UGGT1: variants seen among roughly 807,000 people sequenced by gnomAD.
UGGT1 encodes the protein UDP-glucose glycoprotein glucosyltransferase 1, also known as UDP-glucose:glycoprotein glucosyltransferase 1.
A neutral mutation model predicts 203.9 loss-of-function variants in UGGT1; 107 were observed. The ratio of observed to expected loss-of-function variants is 0.52; its 90% CI spans 0.45 to 0.62. The LOEUF (loss-of-function observed/expected upper bound fraction) is 0.62, where lower values mean the gene tolerates loss of function less well. UGGT1 is among the 20% of genes least tolerant of loss of function. The pLI is 0.00. For missense variants in UGGT1, 1,673 were observed against 1,867.2 expected, an observed-to-expected ratio of 0.90 and a Z score of 1.92; for synonymous variants, 628 against 653.5, an observed-to-expected ratio of 0.96 and a Z score of 0.59.
intron 2 of UGGT1, among the ~76,000 whole-genome samples, chr2:128,101,740 G>A (rs1005034420): frequency 1.7e-4 from 26 of 152,242 alleles, no homozygotes; most frequent in South Asian, 2.1e-4. Flanking sequence ...TTGCGGACAC[G>A]AGTAAATATG....
At chr2:128,147,259 A>C (rs558675316) in intron 18 of UGGT1, among the ~76,000 whole-genome samples, 56 of 152,340 alleles carry the variant, frequency 3.7e-4, no homozygotes, top group African/African-American at 1.3e-3. Flanking sequence ...TCTTCTGTCA[A>C]CTAAAATCTG....
intron 18 of UGGT1, among the ~76,000 whole-genome samples, chr2:128,151,481 A>C (rs892605305): frequency 5.9e-5 from 9 of 152,178 alleles, no homozygotes; most frequent in Non-Finnish European, 1.5e-5. Context: ...CAACATGTAC[A>C]GTGAGCCATC....
rs1383844507 is a variant in UGGT1 at position 128,091,241 on chromosome 2, C to T, written c.-117C>T. 6 of 1,175,184 alleles carry T rather than the reference C, an allele frequency of 5.1e-6. No homozygotes were observed. Among genetic ancestry groups the T allele is most frequent in the South Asian group, 1.6e-5 (1 of 63,118 alleles). The allele number at this position is 1,175,184 out of a possible 1,614,324, so 72.8% of individuals were successfully genotyped here. A position where few individuals can be genotyped will look rare whatever the true frequency, so the allele number is the denominator to read the frequency against. Reference sequence around the variant, plus strand: ...TGCGAGGCTGGGTGTTGAGTCGAGCCGCGGGAAAGGCGCGTGTCGGCCTCT... The same window carrying T: ...TGCGAGGCTGGGTGTTGAGTCGAGCTGCGGGAAAGGCGCGTGTCGGCCTCT... On this transcript the variant is annotated 5_prime_UTR_variant, in exon 1 of 41. Transcript: ENST00000259253.
intron 9 of UGGT1, 112 bp downstream of exon 9, chr2:128,120,568 C>G (rs147416497): frequency 5.4e-4 from 437 of 802,194 alleles, no homozygotes; most frequent in African/African-American, 5.2e-3. Context: ...GAAGGTGCCT[C>G]AGATTTTAAA....
intron 19 of UGGT1, 128 bp from the exon 20 acceptor site, chr2:128,155,361 T>C (rs1690177397): frequency 3.0e-6 from 2 of 677,444 alleles, no homozygotes; most frequent in South Asian, 4.1e-5. Context: ...TCAGTAAACA[T>C]GGAACTTAAT....
intron 8 of UGGT1, among the ~76,000 whole-genome samples, chr2:128,119,233 A>G (rs1019880223): frequency 6.6e-6 from 1 of 152,160 alleles, no homozygotes; most frequent in African/African-American, 2.4e-5. Context: ...AGTAACTGAC[A>G]GGAAGTGGGT....
chr2:128,142,495 G>C (rs894113627), intron 16 of UGGT1, among the ~76,000 whole-genome samples: 11 of 149,868 alleles, frequency 7.3e-5, no homozygotes, highest in African/African-American at 2.7e-4. Flanking sequence ...TGAGGCAGGA[G>C]AAGCGCTTGA....
chr2:128,104,347 A>G (rs890249392), intron 3 of UGGT1, among the ~76,000 whole-genome samples: 2 of 152,126 alleles, frequency 1.3e-5, no homozygotes, highest in Non-Finnish European at 2.9e-5. Context: ...CTGATTCACT[A>G]TTTTTGTTAT....
rs536672995 is a variant in UGGT1 at position 128,174,309 on chromosome 2, G to GTT, written c.3453+388_3453+389dup. On this transcript the variant is annotated intron_variant, in intron 30 of 40. Transcript: ENST00000259253. ...GGTGTGACTGGCCTTTATTGTACTAGTTTTTTTTTTTTTTTTTTTGAGACT... is the reference window on the plus strand; with the variant it reads ...GGTGTGACTGGCCTTTATTGTACTAGTTTTTTTTTTTTTTTTTTTTTGAGACT... Among the ~76,000 whole-genome samples the GTT allele has an allele frequency of 3.5e-3, 468 of 134,450 alleles. 4 individuals are homozygous for GTT. The highest frequency in any genetic ancestry group is 0.011 in the African/African-American group (387 of 36,748). The allele number at this position is 134,450 out of a possible 152,430, so 88.2% of individuals were successfully genotyped here.
rs560049038 is a variant in UGGT1, at chr2:128,133,122, G to A, written c.1378-19G>A. 3.1e-6 allele frequency: 5 copies of A among 1,613,330 alleles called. No homozygotes were observed. Among genetic ancestry groups the A allele is most frequent in the South Asian group, 2.2e-5 (2 of 91,042 alleles). ...CTGGTTCCTAATGTGCATGTATCCTGTTGTGTTATTTTTTGTAGTGGGTCA... is the reference window on the plus strand; with the variant it reads ...CTGGTTCCTAATGTGCATGTATCCTATTGTGTTATTTTTTGTAGTGGGTCA... On this transcript the variant is annotated intron_variant, in intron 13 of 40. Coordinates refer to ENST00000259253, the MANE Select transcript of UGGT1 (RefSeq NM_020120.4).
At chr2:128,181,556 C>G (rs1013018067) in intron 36 of UGGT1, among the ~76,000 whole-genome samples, 2 of 152,170 alleles carry the variant, frequency 1.3e-5, no homozygotes, top group Admixed American at 1.3e-4. Context: ...CATAAGTGTA[C>G]GTCTGCCCAC....
intron 7 of UGGT1, 64 bp from the exon 8 acceptor site, chr2:128,116,201 T>G: frequency 9.8e-7 from 1 of 1,023,140 alleles, no homozygotes; most frequent in South Asian, 1.4e-5. Flanking sequence ...TTTATGAGAC[T>G]AGTAACGTTT....
Position 128,191,750 on chromosome 2 carries a change from G to A in UGGT1, c.*2008G>A, listed in dbSNP as rs1692276032. 6.6e-6 allele frequency: 1 copy of A among 152,284 alleles called. No homozygotes were observed. The highest frequency in any genetic ancestry group is 6.5e-5 in the Admixed American group (1 of 15,280). 9.4% of individuals were successfully genotyped at this position (152,284 alleles called of 1,614,324 possible). On this transcript the variant is annotated 3_prime_UTR_variant, in exon 41 of 41. Coordinates refer to ENST00000259253, the MANE Select transcript of UGGT1 (RefSeq NM_020120.4). ...CTCACCCTCTATTCCCAGCTACTCGGGAGGCAGAGACAGGAGAATCGCCTG... is the reference window on the plus strand; with the variant it reads ...CTCACCCTCTATTCCCAGCTACTCGAGAGGCAGAGACAGGAGAATCGCCTG...
rs559313331 is a variant in UGGT1, at chr2:128,171,167, A to G, written c.3025-38A>G. 1.6e-5 allele frequency: 25 copies of G among 1,575,890 alleles called. 1 individual carries two copies. Among genetic ancestry groups the G allele is most frequent in the Non-Finnish European group, 1.9e-5 (22 of 1,159,448 alleles). On this transcript the variant is annotated intron_variant, in intron 27 of 40. Transcript: ENST00000259253. ...GTCAAATAATAAATTTCTGAAGAAA[A>G]AAATCCTAAATATTTTGTCATCTGG... is the stretch of plus-strand genomic sequence containing the variant.
At chr2:128,183,641 G>A (rs1454829032) in intron 37 of UGGT1, 34 bp from the exon 38 acceptor site, 1 of 1,509,480 alleles carries the variant, frequency 6.6e-7, no homozygotes, top group South Asian at 1.1e-5. Flanking sequence ...CGTAATCCAT[G>A]GTTGGTTGTA....
At chr2:128,101,583 A>G (rs184288555) in intron 2 of UGGT1, among the ~76,000 whole-genome samples, 5 of 152,358 alleles carry the variant, frequency 3.3e-5, no homozygotes, top group African/African-American at 1.2e-4. Context: ...AGAATGTAGC[A>G]TGTTAGAGGT....
chr2:128,192,834 TG>T lies in UGGT1; in HGVS notation c.*3095del, dbSNP rs1430802938. On this transcript the variant is annotated 3_prime_UTR_variant, in exon 41 of 41. Transcript: ENST00000259253. ...ACACATAGATGCTTGCCTGTCTGCT[TG>T]GGTGAATGCCTCTTGGGAGAGCGAA... 1 of 152,018 alleles carries T rather than the reference TG, an allele frequency of 6.6e-6. No individual in the cohort carries two copies. The highest frequency in any genetic ancestry group is 1.9e-4 in the East Asian group (1 of 5,164). The allele number at this position is 152,018 out of a possible 1,614,324, so 9.4% of individuals were successfully genotyped here.
At chr2:128,091,458 G>C (rs1240434556) in intron 1 of UGGT1, 43 bp downstream of exon 1, 3 of 1,557,444 alleles carry the variant, frequency 1.9e-6, no homozygotes, top group Non-Finnish European at 2.6e-6. Flanking sequence ...ACAAAGAGAG[G>C]GTTTGGGGCA....
rs529485521 is a variant in UGGT1 at position 128,194,534 on chromosome 2, T to C, written c.*4792T>C. The C allele has an allele frequency of 6.6e-6, 1 of 152,234 alleles. No homozygotes were observed. The highest frequency in any genetic ancestry group is 1.5e-5 in the Non-Finnish European group (1 of 68,046). The allele number at this position is 152,234 out of a possible 1,614,324, so 9.4% of individuals were successfully genotyped here. A position where few individuals can be genotyped will look rare whatever the true frequency, so the allele number is the denominator to read the frequency against. On this transcript the variant is annotated 3_prime_UTR_variant, in exon 41 of 41. Transcript: ENST00000259253. ...CACCCGCATCGGCCCCCCAAAGTGC[T>C]GGGATTATAGGCGTGAACCACCGCG... is the stretch of plus-strand genomic sequence containing the variant.
Sources: gnomAD v4.1 joint callset for allele counts (sites outside exome capture counted in the v4.1 genomes callset) on GRCh38, gnomAD v4.1.1 for gene constraint, MANE v1.5 for transcripts, NCBI Gene and HGNC (gene_info 2026-07-23, HGNC 2026-07-21) for gene names.